RASAL2: variants seen among roughly 807,000 people sequenced by gnomAD.
RASAL2 encodes RAS protein activator like 2, also known as ras GTPase-activating protein nGAP.
In RASAL2, 58 loss-of-function variants were observed where a neutral mutation model predicts 128.9. The ratio of observed to expected loss-of-function variants is 0.45; its 90% confidence interval spans 0.36 to 0.56. The LOEUF is 0.56. RASAL2 is among the 20% of genes least tolerant of loss of function. The pLI, the probability that RASAL2 is intolerant of heterozygous loss-of-function variation, is 0.00. For synonymous variants in RASAL2, 561 were observed against 580.8 expected, an observed-to-expected ratio of 0.97 and a Z score of 0.49; for missense variants, 1,360 against 1,601.6, an observed-to-expected ratio of 0.85 and a Z score of 2.57.
At chr1:178,119,753 A>G (rs555604592) in intron 1 of RASAL2, among the ~76,000 whole-genome samples, 4 of 152,334 alleles carry the variant, frequency 2.6e-5, no homozygotes, top group African/African-American at 9.6e-5. Context: ...TGTTGTCAAC[A>G]TCGGTAGACT....
chr1:178,203,493 A>G (rs1384362560), intron 1 of RASAL2, among the ~76,000 whole-genome samples: 4 of 152,248 alleles, frequency 2.6e-5, no homozygotes, highest in African/African-American at 9.6e-5. Context: ...TCACAGGTCC[A>G]GGAATCAAGG....
chr1:178,292,411 A>G (rs1007070381), intron 2 of RASAL2, among the ~76,000 whole-genome samples: 4 of 152,184 alleles, frequency 2.6e-5, no homozygotes, highest in Admixed American at 1.3e-4. Context: ...ACATGGGAAG[A>G]GTGTTAAATA....
chr1:178,178,575 A>G (rs561356860), intron 1 of RASAL2, among the ~76,000 whole-genome samples: 1 of 152,334 alleles, frequency 6.6e-6, no homozygotes, highest in African/African-American at 2.4e-5. Flanking sequence ...AACATATATT[A>G]CTAAATTATA....
chr1:178,408,581 T>TTTG (rs1229889085), intron 4 of RASAL2, among the ~76,000 whole-genome samples: 1 of 151,932 alleles, frequency 6.6e-6, no homozygotes, highest in African/African-American at 2.4e-5. Flanking sequence ...TTTTAGGTTT[T>TTTG]TTGTTGTTGT....
chr1:178,156,223 T>C (rs1661080588), intron 1 of RASAL2, among the ~76,000 whole-genome samples: 1 of 152,194 alleles, frequency 6.6e-6, no homozygotes, highest in South Asian at 2.1e-4. Flanking sequence ...TATACCTGAA[T>C]GCAAAGAAAT....
intron 4 of RASAL2, among the ~76,000 whole-genome samples, chr1:178,394,057 G>A (rs1185274959): frequency 6.6e-6 from 1 of 152,156 alleles, no homozygotes; most frequent in East Asian, 1.9e-4. Flanking sequence ...GAACTATGGT[G>A]TTTTAGTTAT....
Position 178,458,228 on chromosome 1 carries a change from G to C in RASAL2, c.2936G>C (p.Ser979Thr). Residue 979 changes from serine (S) to threonine (T), a missense_variant, in exon 14 of 18, where the codon AGC (serine) becomes ACC (threonine). Coordinates refer to ENST00000367649, the MANE Select transcript of RASAL2 (RefSeq NM_170692.4). ...NSSMEDFTKR[S>T]TQSEDFSRRH... ...AGCATGGAAGATTTCACTAAACGTA[G>C]CACTCAGAGTGAGGACTTCTCCAGG... 1 of 1,614,268 alleles carries C rather than the reference G, an allele frequency of 6.2e-7. No homozygotes were observed. The highest frequency in any genetic ancestry group is 8.5e-7 in the Non-Finnish European group (1 of 1,180,048).
intron 2 of RASAL2, among the ~76,000 whole-genome samples, chr1:178,295,054 C>A (rs1026922803): frequency 1.3e-5 from 2 of 152,086 alleles, no homozygotes; most frequent in African/African-American, 4.8e-5. Context: ...CAGAAAGATA[C>A]CTCAAAGTTG....
chr1:178,303,969 A>G (rs997158189), intron 3 of RASAL2, among the ~76,000 whole-genome samples: 26 of 152,226 alleles, frequency 1.7e-4, no homozygotes, highest in African/African-American at 6.0e-4. Context: ...GGAGAAATAT[A>G]AAGGTGGATT....
chr1:178,208,453 C>T (rs900549833), intron 1 of RASAL2, among the ~76,000 whole-genome samples: 7 of 152,058 alleles, frequency 4.6e-5, no homozygotes, highest in African/African-American at 1.7e-4. Context: ...TTCTGCAGTA[C>T]CCTCAGGCTT....
intron 5 of RASAL2, among the ~76,000 whole-genome samples, chr1:178,430,945 C>CA (rs1675854752): frequency 2.0e-5 from 3 of 149,928 alleles, no homozygotes; most frequent in African/African-American, 7.4e-5. Flanking sequence ...CACACACACA[C>CA]CCCTCTTATA....
intron 1 of RASAL2, among the ~76,000 whole-genome samples, chr1:178,110,527 ATGC>A (rs1659263213): frequency 1.4e-5 from 2 of 147,590 alleles, no homozygotes; most frequent in African/African-American, 2.5e-5. Context: ...GTGTATATAT[ATGC>A]TATATATACT....
intron 2 of RASAL2, among the ~76,000 whole-genome samples, chr1:178,296,796 C>T (rs1344264419): frequency 6.6e-6 from 1 of 151,834 alleles, no homozygotes; most frequent in East Asian, 1.9e-4. Flanking sequence ...CCTCAGCCTC[C>T]CAAGTAGCTG....
At chr1:178,430,156 A>T (rs1572059053) in intron 5 of RASAL2, among the ~76,000 whole-genome samples, 1 of 152,252 alleles carries the variant, frequency 6.6e-6, no homozygotes, top group Admixed American at 6.6e-5. Context: ...AGAAGAGGAG[A>T]GTCAAAACTG....
At chr1:178,327,671 G>A (rs1669099380) in intron 3 of RASAL2, among the ~76,000 whole-genome samples, 1 of 152,160 alleles carries the variant, frequency 6.6e-6, no homozygotes. Flanking sequence ...TGTTGAATCA[G>A]AAAGCATAAT....
chr1:178,332,161 G>A (rs1281703935), intron 3 of RASAL2, among the ~76,000 whole-genome samples: 1 of 152,092 alleles, frequency 6.6e-6, no homozygotes, highest in Admixed American at 6.5e-5. Flanking sequence ...TAGCCCACTA[G>A]TAATAGAATT....
intron 1 of RASAL2, among the ~76,000 whole-genome samples, chr1:178,105,645 A>G (rs1037506204): frequency 1.1e-4 from 16 of 151,720 alleles, no homozygotes; most frequent in Admixed American, 5.3e-4. Flanking sequence ...TTTGAAGTGT[A>G]TGAAATTACT....
chr1:178,126,519 C>T (rs1340006345), intron 1 of RASAL2, among the ~76,000 whole-genome samples: 7 of 152,158 alleles, frequency 4.6e-5, no homozygotes, highest in Non-Finnish European at 7.4e-5. Context: ...TAAAGAAACA[C>T]CATTCTTTTA....
intron 7 of RASAL2, 72 bp from the exon 8 acceptor site, chr1:178,442,603 C>T: frequency 7.4e-7 from 1 of 1,356,774 alleles, no homozygotes; most frequent in Non-Finnish European, 1.0e-6. Context: ...ATGAACATTG[C>T]CAACTTAAGA....
Sources: gnomAD v4.1 joint callset for allele counts (sites outside exome capture counted in the v4.1 genomes callset) on GRCh38, gnomAD v4.1.1 for gene constraint, MANE v1.5 for transcripts, NCBI Gene and HGNC (gene_info 2026-07-23, HGNC 2026-07-21) for gene names.